The following DMD variants were observed in gnomAD, a reference collection of about 807,000 sequenced individuals.
DMD encodes dystrophin, also known as mutant dystrophin.
A neutral mutation model predicts 330.1 loss-of-function variants in DMD; 63 were observed. The ratio of observed to expected loss-of-function variants is 0.19; its 90% CI spans 0.16 to 0.24. DMD has a LOEUF of 0.24. DMD is among the 10% of genes least tolerant of loss of function. DMD has a pLI of 1.00. For synonymous variants in DMD, 1,223 were observed against 959.8 expected (o/e 1.27, Z -5.07); for missense variants, 3,344 against 2,684.1 (o/e 1.25, Z -5.43).
At chrX:32,324,492 G>A (rs1348260834) in intron 41 of DMD, among the ~76,000 whole-genome samples, 4 of 111,361 alleles carry the variant, frequency 3.6e-5, no homozygotes, top group Non-Finnish European at 7.6e-5. Flanking sequence ...AAAAGTGAAA[G>A]TCAAAATAAT....
rs1045985297 is a variant in DMD, at chrX:32,283,076, T to C, written c.6290+4453A>G. On this transcript the variant is annotated intron_variant, in intron 43 of 78. Coordinates refer to ENST00000357033, the MANE Select transcript of DMD (RefSeq NM_004006.3). Reference sequence around the variant, plus strand: ...AGTGTTCTTGGGAGGTTTAGGTTTATACTTTGGTGACTGGTCATGAAAACA... The same window carrying C: ...AGTGTTCTTGGGAGGTTTAGGTTTACACTTTGGTGACTGGTCATGAAAACA... Among the ~76,000 whole-genome samples, 5 of 111,848 alleles carry C rather than the reference T, an allele frequency of 4.5e-5. No individual in the cohort carries two copies. In the East Asian group the frequency reaches 1.1e-3, roughly 25 times the overall value.
intron 62 of DMD, among the ~76,000 whole-genome samples, chrX:31,276,431 G>A (rs1050924769): frequency 9.0e-6 from 1 of 111,701 alleles, no homozygotes; most frequent in Non-Finnish European, 1.9e-5. Flanking sequence ...ACCAGAATGA[G>A]CAAGACAAAC....
intron 7 of DMD, among the ~76,000 whole-genome samples, chrX:32,738,490 G>GTT (rs756216836): frequency 5.0e-4 from 56 of 111,497 alleles, no homozygotes; most frequent in Non-Finnish European, 7.9e-4. Context: ...TAAAGCAATT[G>GTT]TAAGGCTTAA....
At chrX:33,303,741 G>T (rs1266348677) in intron 1 of DMD, among the ~76,000 whole-genome samples, 1 of 111,537 alleles carries the variant, frequency 9.0e-6, no homozygotes, top group Non-Finnish European at 1.9e-5. Flanking sequence ...CATGTGATGA[G>T]GATGTGTTTG....
At chrX:32,519,432 C>A (rs962495039) in intron 17 of DMD, among the ~76,000 whole-genome samples, 5 of 110,860 alleles carry the variant, frequency 4.5e-5, no homozygotes, top group African/African-American at 1.6e-4. Flanking sequence ...GATCATCAGC[C>A]TACCCTATGC....
intron 60 of DMD, among the ~76,000 whole-genome samples, chrX:31,410,672 A>G (rs1165327427): frequency 9.1e-6 from 1 of 109,413 alleles, no homozygotes; most frequent in Admixed American, 1.0e-4. Context: ...TTTGACCTAC[A>G]TTACATTTTG....
At chrX:32,514,665 C>T (rs769021565) in intron 18 of DMD, among the ~76,000 whole-genome samples, 1 of 112,258 alleles carries the variant, frequency 8.9e-6, no homozygotes. Flanking sequence ...GGCGTGAACC[C>T]GGGAGGCAGA....
Position 31,843,944 on chromosome X carries a change from C to T in DMD, c.7099-7125G>A, listed in dbSNP as rs576192312. ...TGCAATCTGGGCTCACTGCAACCTCCGACTCCCTGGCTCAAGCGGTTCTCC... is the reference window on the plus strand; with the variant it reads ...TGCAATCTGGGCTCACTGCAACCTCTGACTCCCTGGCTCAAGCGGTTCTCC... On this transcript the variant is annotated intron_variant, in intron 48 of 78. Transcript: ENST00000357033. Among the ~76,000 whole-genome samples, 12 of 111,871 alleles carry T rather than the reference C, an allele frequency of 1.1e-4. No homozygotes were observed. The South Asian group carries it at 1.1e-3, about 10-fold the overall frequency.
At chrX:32,650,818 C>T (rs1048443337) in intron 9 of DMD, among the ~76,000 whole-genome samples, 6 of 111,977 alleles carry the variant, frequency 5.4e-5, no homozygotes, top group South Asian at 3.7e-4. Context: ...CAACTACTAC[C>T]GCATATACAA....
At chrX:31,248,894 T>A (rs1263203468) in intron 63 of DMD, among the ~76,000 whole-genome samples, 1 of 111,571 alleles carries the variant, frequency 9.0e-6, no homozygotes, top group African/African-American at 3.3e-5. Context: ...AGGTTCCAAC[T>A]CCGCCTTGAT....
intron 34 of DMD, among the ~76,000 whole-genome samples, chrX:32,366,231 C>G (rs752516552): frequency 8.9e-6 from 1 of 112,234 alleles, no homozygotes; most frequent in African/African-American, 3.2e-5. Flanking sequence ...GTACATGGCA[C>G]GGCTGACAGA....
At chrX:31,187,540 T>C (rs1297889969) in intron 67 of DMD, among the ~76,000 whole-genome samples, 1 of 111,743 alleles carries the variant, frequency 8.9e-6, no homozygotes, top group Non-Finnish European at 1.9e-5. Flanking sequence ...TGTTTCCCAG[T>C]ATGTCCAGCA....
chrX:31,393,541 G>T (rs748738234), intron 60 of DMD, among the ~76,000 whole-genome samples: 2 of 105,769 alleles, frequency 1.9e-5, no homozygotes, highest in African/African-American at 3.4e-5. Flanking sequence ...ATATTCCATA[G>T]GATGGTGTGA....
chrX:32,328,336 A>G (rs1032087362), intron 41 of DMD, among the ~76,000 whole-genome samples: 4 of 111,971 alleles, frequency 3.6e-5, no homozygotes, highest in African/African-American at 9.7e-5. Context: ...ACAAGAAAAT[A>G]CCATTTTGGT....
chrX:31,517,928 C>T (rs1438593909), intron 55 of DMD, among the ~76,000 whole-genome samples: 1 of 80,796 alleles, frequency 1.2e-5, no homozygotes, highest in Non-Finnish European at 2.9e-5. Context: ...AACACACACA[C>T]ACACACACAC....
At chrX:32,042,049 ATATATATATATATATATG>A (rs2096009978) in intron 44 of DMD, among the ~76,000 whole-genome samples, 1 of 82,518 alleles carries the variant, frequency 1.2e-5, no homozygotes, top group African/African-American at 4.7e-5. Flanking sequence ...ATATATATAT[ATATATATATATATATATG>A]TACACATATA....
chrX:32,517,975 G>A (rs1439664771), intron 18 of DMD, 33 bp downstream of exon 18: 6 of 1,201,930 alleles, frequency 5.0e-6, no homozygotes, highest in Non-Finnish European at 6.8e-6. Flanking sequence ...AGCACAAAAT[G>A]AGTACAGATA....
At chrX:31,334,303 T>C (rs762355926) in intron 61 of DMD, among the ~76,000 whole-genome samples, 1 of 112,454 alleles carries the variant, frequency 8.9e-6, no homozygotes, top group Non-Finnish European at 1.9e-5. Flanking sequence ...GAATGCATCT[T>C]GTGACTCTTG....
intron 2 of DMD, among the ~76,000 whole-genome samples, chrX:33,005,349 A>G (rs1210640104): frequency 9.1e-6 from 1 of 109,424 alleles, no homozygotes; most frequent in Non-Finnish European, 1.9e-5. Context: ...TTTATATTAA[A>G]TGTACTTTAA....
Sources: allele counts gnomAD v4.1 joint callset (sites outside exome capture counted in the v4.1 genomes callset), GRCh38; gene constraint gnomAD v4.1.1; transcripts MANE v1.5; gene names NCBI Gene and HGNC (gene_info 2026-07-23, HGNC 2026-07-21).